ABCA5: variants seen among roughly 807,000 people sequenced by gnomAD.
The protein encoded by ABCA5 is cholesterol transporter ABCA5.
ABCA5 carries 163 observed loss-of-function variants against 206.0 expected under a neutral mutation model. That is an observed-to-expected ratio of 0.79 (90% CI 0.70 to 0.90). The LOEUF (loss-of-function observed/expected upper bound fraction) is 0.90. ABCA5 is among the 40% of genes least tolerant of loss of function. The pLI, the probability that ABCA5 is intolerant of heterozygous loss-of-function variation, is 0.00. For missense variants in ABCA5, 1,859 were observed against 1,912.9 expected, an observed-to-expected ratio of 0.97 and a Z score of 0.53; for synonymous variants, 609 against 613.8, an observed-to-expected ratio of 0.99 and a Z score of 0.11.
At chr17:69,318,824 T>C (rs930084591) in intron 1 of ABCA5, 7 of 704,388 alleles carry the variant, frequency 9.9e-6, no homozygotes, top group Admixed American at 3.5e-5. Context: ...CCAAGGAATA[T>C]TGTGGGGATT....
At chr17:69,297,621 CATAA>C (rs1465451184) in intron 9 of ABCA5, among the ~76,000 whole-genome samples, 5 of 151,982 alleles carry the variant, frequency 3.3e-5, no homozygotes, top group African/African-American at 1.2e-4. Flanking sequence ...AATTCTAGTC[CATAA>C]ATAGTTTCAG....
At position 69,312,921 on chromosome 17, in the gene ABCA5, C is replaced by G. The variant is rs1010542; in HGVS notation, c.307+171G>C. On this transcript the variant is annotated intron_variant, in intron 3 of 38. Transcript: ENST00000392676. ...ACCAAGAATATAAATTAATGTTTCA[C>G]AAGAAAAATAAGGCAACAGAATTAA... Among the ~76,000 whole-genome samples the G allele has an allele frequency of 2.3e-3, 342 of 151,856 alleles. 1 individual carries two copies. Among genetic ancestry groups the G allele is most frequent in the South Asian group, 6.4e-3 (31 of 4,808 alleles).
chr17:69,290,196 TC>T lies in ABCA5; in HGVS notation c.1607-160del, dbSNP rs1279391241. 3.1e-4 allele frequency among the ~76,000 whole-genome samples: 47 copies of T among 152,286 alleles called. 1 individual carries two copies. Among genetic ancestry groups the T allele is most frequent in the African/African-American group, 1.1e-3 (45 of 41,568 alleles). Reference sequence around the variant, plus strand: ...ACACACCCTTCAATATTATTGGTGATCCGCATCCACTTATATTTCAATCTCA... The same window carrying T: ...ACACACCCTTCAATATTATTGGTGATCGCATCCACTTATATTTCAATCTCA... On this transcript the variant is annotated intron_variant, in intron 12 of 38. Coordinates refer to ENST00000392676, the MANE Select transcript of ABCA5 (RefSeq NM_172232.4).
intron 24 of ABCA5, among the ~76,000 whole-genome samples, chr17:69,263,588 T>G (rs1345347090): frequency 6.6e-6 from 1 of 152,240 alleles, no homozygotes; most frequent in East Asian, 1.9e-4. Context: ...TCGGTCTACA[T>G]GTCTGTTTTT....
At position 69,245,637 on chromosome 17, in the gene ABCA5, C is replaced by T. The variant is rs547094760; in HGVS notation, c.*1900G>A. ...AAAAACTAAAAAAAAATTTGAATGT[C>T]TTTTAAAATTGTTTACAAGAGCATG... On this transcript the variant is annotated 3_prime_UTR_variant, in exon 39 of 39. Transcript: ENST00000392676. 6.6e-5 allele frequency: 10 copies of T among 151,758 alleles called. No homozygotes were observed. The highest frequency in any genetic ancestry group is 1.9e-4 in the African/African-American group (8 of 41,372). 9.4% of individuals were successfully genotyped at this position (151,758 alleles called of 1,614,324 possible).
chr17:69,294,894 T>C (rs1405261113), intron 10 of ABCA5, among the ~76,000 whole-genome samples, 181 bp from the exon 11 acceptor site: 2 of 152,232 alleles, frequency 1.3e-5, no homozygotes, highest in African/African-American at 4.8e-5. Flanking sequence ...CAATTGACAC[T>C]TGAAAACACA....
Position 69,304,773 on chromosome 17 carries a change from GA to G in ABCA5, c.825del (p.Met277CysfsTer22). 1 of 1,607,108 alleles carries G rather than the reference GA, an allele frequency of 6.2e-7. No homozygotes were observed. Among genetic ancestry groups the G allele is most frequent in the Non-Finnish European group, 8.5e-7 (1 of 1,176,644 alleles). ...SWVLLYTSLI[F>X]LMSLLMAVIA... ...ATGACTGCCATAAGAAGGGACATAA[GA>G]AAAATTAAACTTGTATATAGAAGAA... is the stretch of plus-strand genomic sequence containing the variant. On this transcript the variant is annotated frameshift_variant, in exon 7 of 39. Transcript: ENST00000392676. LOFTEE classifies it high-confidence loss of function.
chr17:69,306,656 C>T (rs2075719723), intron 6 of ABCA5, 69 bp downstream of exon 6: 1 of 780,020 alleles, frequency 1.3e-6, no homozygotes, highest in African/African-American at 1.8e-5. Context: ...ATCAAAATTA[C>T]AATTTTGAAA....
intron 25 of ABCA5, 84 bp from the exon 26 acceptor site, chr17:69,261,343 T>G (rs1360108327): frequency 1.6e-6 from 2 of 1,253,912 alleles, no homozygotes; most frequent in African/African-American, 3.0e-5. Flanking sequence ...AACTATTTTT[T>G]CAATCCTCTA....
In ABCA5 at chr17:69,313,270, T is replaced by TA. The variant is rs751512043; in HGVS notation, c.128dup (p.Leu43PhefsTer8). 50 of 1,417,224 alleles carry TA rather than the reference T, an allele frequency of 3.5e-5. No homozygotes were observed. Among genetic ancestry groups the TA allele is most frequent in the Admixed American group, 1.2e-4 (6 of 50,226 alleles). The allele number at this position is 1,417,224 out of a possible 1,614,324, so 87.8% of individuals were successfully genotyped here. On this transcript the variant is annotated frameshift_variant, in exon 3 of 39. Coordinates refer to ENST00000392676, the MANE Select transcript of ABCA5 (RefSeq NM_172232.4). LOFTEE classifies it high-confidence loss of function. ...TCATGCTAATTAATATTAACCAAAA[T>TA]AAAAAAAATAGTGGAAAAAGAATTT...
In ABCA5 at chr17:69,247,633, T is replaced by C; in HGVS notation, c.4833A>G (p.Glu1611=). 1 of 1,604,736 alleles carries C rather than the reference T, an allele frequency of 6.2e-7. No individual in the cohort carries two copies. Among genetic ancestry groups the C allele is most frequent in the Non-Finnish European group, 8.5e-7 (1 of 1,175,658 alleles). Residue 1611 remains glutamate, a synonymous_variant, in exon 39 of 39, where the codon GAA becomes GAG. Transcript: ENST00000392676. The part of the protein sequence containing the change: ...SQATLEQVFV[E]LTKEQEEEDN... ...CTTCCTCCTCTTGTTCTTTAGTGAG[T>C]TCTACAAAAACCTAGGTGAAAAGAA...
At chr17:69,316,079 C>G (rs1218479429) in intron 1 of ABCA5, among the ~76,000 whole-genome samples, 3 of 152,160 alleles carry the variant, frequency 2.0e-5, no homozygotes, top group Admixed American at 6.5e-5. Context: ...TGGAGTGGCT[C>G]AAAATCAGAA....
chr17:69,268,262 T>A (rs1402680969), intron 22 of ABCA5, among the ~76,000 whole-genome samples: 1 of 152,152 alleles, frequency 6.6e-6, no homozygotes, highest in African/African-American at 2.4e-5. Context: ...CTCTGCCACT[T>A]ATTAATAACT....
At chr17:69,280,786 A>C (rs1319995254) in intron 18 of ABCA5, among the ~76,000 whole-genome samples, 1 of 151,940 alleles carries the variant, frequency 6.6e-6, no homozygotes, top group Non-Finnish European at 1.5e-5. Flanking sequence ...TTGCAAGAAC[A>C]AAAAACCAAA....
intron 28 of ABCA5, among the ~76,000 whole-genome samples, chr17:69,258,363 T>C (rs78114715): frequency 6.6e-6 from 1 of 152,156 alleles, no homozygotes; most frequent in Admixed American, 6.6e-5. Flanking sequence ...AATTATGTTC[T>C]TTACAGCAAC....
At chr17:69,249,602 C>T (rs977952635) in intron 37 of ABCA5, 3 of 331,112 alleles carry the variant, frequency 9.1e-6, no homozygotes, top group African/African-American at 2.1e-5. Context: ...TGTGTCAATG[C>T]TCTCTAAAAA....
intron 28 of ABCA5, among the ~76,000 whole-genome samples, chr17:69,258,463 A>T (rs894336553): frequency 6.6e-6 from 1 of 152,214 alleles, no homozygotes; most frequent in African/African-American, 2.4e-5. Context: ...GTTCTCACTT[A>T]TAAACAGACA....
chr17:69,279,748 T>C (rs1374017684), intron 18 of ABCA5, among the ~76,000 whole-genome samples: 1 of 152,136 alleles, frequency 6.6e-6, no homozygotes, highest in Non-Finnish European at 1.5e-5. Flanking sequence ...AACTATCTGA[T>C]CTTTGACAAA....
intron 1 of ABCA5, among the ~76,000 whole-genome samples, chr17:69,321,863 C>T (rs1166120311): frequency 1.3e-5 from 2 of 151,882 alleles, no homozygotes; most frequent in Non-Finnish European, 1.5e-5. Flanking sequence ...GAGTTTTAAA[C>T]ACCTAACATC....
Sources: gnomAD v4.1 joint callset for allele counts (sites outside exome capture counted in the v4.1 genomes callset) on GRCh38, gnomAD v4.1.1 for gene constraint, MANE v1.5 for transcripts, NCBI Gene and HGNC (gene_info 2026-07-23, HGNC 2026-07-21) for gene names.